Variants in MPRIP observed in about 807,000 individuals in gnomAD.
The protein encoded by MPRIP is myosin phosphatase Rho interacting protein.
In MPRIP, 59 loss-of-function variants were observed where a neutral mutation model predicts 234.9. The observed-to-expected ratio is 0.25, with a 90% confidence interval of 0.20 to 0.31. The LOEUF is 0.31. MPRIP is among the 10% of genes least tolerant of loss of function. The pLI, the probability that MPRIP is intolerant of heterozygous loss-of-function variation, is 1.00. For missense variants in MPRIP, 2,436 were observed against 3,071.0 expected, an observed-to-expected ratio of 0.79 and a Z score of 4.89; for synonymous variants, 1,144 against 1,263.9, an observed-to-expected ratio of 0.91 and a Z score of 2.01.
chr17:17,166,794 G>A lies in MPRIP; in HGVS notation c.5203G>A (p.Ala1735Thr). The A allele has an allele frequency of 7.7e-7, 1 of 1,304,248 alleles. No homozygotes were observed. 80.8% of individuals were successfully genotyped at this position (1,304,248 alleles called of 1,614,324 possible). Residue 1735 changes from alanine to threonine, a missense_variant, in exon 16 of 24, where the codon GCG becomes ACG. Physicochemically the swap from Ala to Thr is moderately conservative, Grantham distance 58. This residue lies in a region of MPRIP where 1,998 missense variants were observed against 2,520.3 expected (regional missense o/e 0.79). Transcript: ENST00000651222. This position sits in a 1 kb window ranked among gnomAD's most constrained non-coding sequence, Gnocchi z 4.4. Reference protein sequence around the residue: ...QQVLEALRLPAGHEDGVQLSW... With the variant: ...QQVLEALRLPTGHEDGVQLSW... ...GGTCTTGGAAGCCCTCAGGCTTCCA[G>A]CGGGCCATGAAGATGGTGTTCAGCT...
intron 1 of MPRIP, among the ~76,000 whole-genome samples, chr17:17,046,394 G>T (rs2088352940): frequency 6.6e-6 from 1 of 152,156 alleles, no homozygotes; most frequent in South Asian, 2.1e-4. Flanking sequence ...ATGCATGAAT[G>T]CAAGTATTTC....
intron 15 of MPRIP, among the ~76,000 whole-genome samples, chr17:17,163,617 C>T (rs1233162431): frequency 1.3e-5 from 2 of 152,140 alleles, no homozygotes; most frequent in Non-Finnish European, 2.9e-5. Context: ...CCGAGTGTTA[C>T]CTTCCTTCCT....
At chr17:17,153,045 A>G (rs940795069) in intron 12 of MPRIP, among the ~76,000 whole-genome samples, 8 of 152,178 alleles carry the variant, frequency 5.3e-5, no homozygotes, top group African/African-American at 1.7e-4. Context: ...TGCTGAGGCC[A>G]AACTCCAGCA....
chr17:17,049,924 C>T (rs1348454206), intron 1 of MPRIP, among the ~76,000 whole-genome samples: 1 of 152,224 alleles, frequency 6.6e-6, no homozygotes, highest in Admixed American at 6.5e-5. Flanking sequence ...TGCAGTGGCT[C>T]ACGCCTGTAA....
intron 16 of MPRIP, chr17:17,168,150 T>C: frequency 2.9e-6 from 1 of 344,214 alleles, no homozygotes. Flanking sequence ...CCAGGGTCCC[T>C]GGTGGGAGAG....
At chr17:17,155,604 A>G (rs60029796) in intron 13 of MPRIP, among the ~76,000 whole-genome samples, 12,987 of 152,230 alleles carry the variant, frequency 0.085, 1,777 homozygotes, top group African/African-American at 0.29. Flanking sequence ...ACCTCTTTAC[A>G]TAAGAAGGAA....
chr17:17,058,478 G>A (rs940457390), intron 1 of MPRIP, among the ~76,000 whole-genome samples: 3 of 149,628 alleles, frequency 2.0e-5, no homozygotes, highest in African/African-American at 4.9e-5. Context: ...CTCCAGGGCC[G>A]TGGGGAGTGG....
chr17:17,154,845 C>T (rs554706690), intron 13 of MPRIP, among the ~76,000 whole-genome samples: 2 of 150,256 alleles, frequency 1.3e-5, no homozygotes, highest in East Asian at 2.0e-4. Context: ...CTCACTCCTA[C>T]GTCTGTTTGA....
chr17:17,168,098 C>T (rs112865497), intron 16 of MPRIP, 183 bp downstream of exon 16: 38,212 of 414,136 alleles, frequency 0.092, 2,158 homozygotes, highest in Middle Eastern at 0.13. Flanking sequence ...GTTCGGCATC[C>T]CCCAGTGTCC....
At position 17,167,515 on chromosome 17, in the gene MPRIP, G is replaced by A. The variant is rs2088934659; in HGVS notation, c.5924G>A (p.Ser1975Asn). 7.7e-7 allele frequency: 1 copy of A among 1,304,184 alleles called. No homozygotes were observed. 80.8% of individuals were successfully genotyped at this position (1,304,184 alleles called of 1,614,324 possible). ...TLQAERSRVL[S>N]QLDASVRDRQ... ...CAGGCTGAGCGCAGCCGGGTCCTGA[G>A]CCAGCTGGATGCCTCGGTCAGAGAC... Residue 1975 changes from serine to asparagine, a missense_variant, in exon 16 of 24, where the codon AGC becomes AAC. Coordinates refer to ENST00000651222, the MANE Select transcript of MPRIP (RefSeq NM_001364716.4). This position sits in a 1 kb window ranked among gnomAD's most constrained non-coding sequence, Gnocchi z 5.9.
intron 3 of MPRIP, among the ~76,000 whole-genome samples, chr17:17,117,642 T>G (rs555999939): frequency 3.3e-5 from 5 of 152,394 alleles, no homozygotes; most frequent in Admixed American, 2.0e-4. Flanking sequence ...TTTCCACCTT[T>G]TGGCTATCGC....
intron 1 of MPRIP, among the ~76,000 whole-genome samples, chr17:17,050,985 CTA>C (rs2088522363): frequency 6.6e-6 from 1 of 152,244 alleles, no homozygotes; most frequent in Non-Finnish European, 1.5e-5. Flanking sequence ...CACAGAAGGA[CTA>C]TAGTCCAAGG....
At chr17:17,100,950 A>G (rs2089949157) in intron 3 of MPRIP, among the ~76,000 whole-genome samples, 1 of 152,168 alleles carries the variant, frequency 6.6e-6, no homozygotes, top group African/African-American at 2.4e-5. Flanking sequence ...CAATCTCACT[A>G]AACCTAAATT....
At chr17:17,061,268 A>C (rs1343798622) in intron 1 of MPRIP, among the ~76,000 whole-genome samples, 1 of 152,232 alleles carries the variant, frequency 6.6e-6, no homozygotes, top group East Asian at 1.9e-4. Flanking sequence ...AATGTCCCAG[A>C]AAAGACGGAC....
At chr17:17,171,933 CAG>C in intron 17 of MPRIP, 68 bp downstream of exon 17, 2 of 1,502,420 alleles carry the variant, frequency 1.3e-6, no homozygotes, top group Non-Finnish European at 1.8e-6. Context: ...ACACACAACT[CAG>C]AGGAATGGCA....
chr17:17,136,482 G>A (rs773157608), intron 6 of MPRIP, 32 bp downstream of exon 6: 32 of 1,580,874 alleles, frequency 2.0e-5, no homozygotes, highest in South Asian at 1.6e-4. Flanking sequence ...TTGTATGCAC[G>A]GGAATGGCCC....
intron 4 of MPRIP, among the ~76,000 whole-genome samples, chr17:17,127,852 G>A (rs2090522717): frequency 6.6e-6 from 1 of 152,232 alleles, no homozygotes. Context: ...CCTGGTGAGT[G>A]AGCACAGCTG....
chr17:17,151,009 C>CTTATTATTATTATTA lies in MPRIP; in HGVS notation c.1719+796_1719+810dup, dbSNP rs57859773. Among the ~76,000 whole-genome samples the CTTATTATTATTATTA allele has an allele frequency of 3.4e-3, 492 of 145,350 alleles. 1 individual carries two copies. Among genetic ancestry groups the CTTATTATTATTATTA allele is most frequent in the East Asian group, 6.4e-3 (32 of 4,996 alleles). On this transcript the variant is annotated intron_variant, in intron 12 of 23. Coordinates refer to ENST00000651222, the MANE Select transcript of MPRIP (RefSeq NM_001364716.4). ...TACAGGTGCATGCCACCATGCCCAGCTTATTATTATTATTATTATTATTAT... is the reference window on the plus strand; with the variant it reads ...TACAGGTGCATGCCACCATGCCCAGCTTATTATTATTATTATTATTATTATTATTATTATTATTAT...
intron 23 of MPRIP, 86 bp from the exon 24 acceptor site, chr17:17,184,737 C>T: frequency 1.0e-6 from 1 of 1,001,630 alleles, no homozygotes. Context: ...GCCGGCTCCA[C>T]CAGCGGTCCG....
Sources: allele counts gnomAD v4.1 joint callset (sites outside exome capture counted in the v4.1 genomes callset), GRCh38; gene constraint gnomAD v4.1.1; regional missense constraint gnomAD v4.1.1; non-coding constraint Gnocchi (gnomAD v3.1); transcripts MANE v1.5; gene names NCBI Gene and HGNC (gene_info 2026-07-23, HGNC 2026-07-21).